Variants in KIAA0319L observed in about 807,000 individuals in gnomAD.
KIAA0319L encodes dyslexia-associated protein KIAA0319-like protein.
Under a neutral mutation model 120.1 loss-of-function variants are expected in KIAA0319L, and 55 were observed. That is an observed-to-expected ratio of 0.46 (90% CI 0.37 to 0.57). The LOEUF (loss-of-function observed/expected upper bound fraction) is 0.57. Among genes scored for constraint, KIAA0319L ranks in the 20% least tolerant of loss-of-function variants. KIAA0319L has a pLI of 0.00. For synonymous variants in KIAA0319L, 398 were observed against 471.9 expected, an observed-to-expected ratio of 0.84 and a Z score of 2.03; for missense variants, 1,049 against 1,255.3, an observed-to-expected ratio of 0.84 and a Z score of 2.48.
At chr1:35,484,883 C>T (rs1347648659) in intron 3 of KIAA0319L, among the ~76,000 whole-genome samples, 1 of 145,088 alleles carries the variant, frequency 6.9e-6, no homozygotes, top group Non-Finnish European at 1.5e-5. Context: ...TATACATGTG[C>T]CATGCTGGTG....
At chr1:35,524,543 T>C (rs1323123938) in intron 2 of KIAA0319L, among the ~76,000 whole-genome samples, 3 of 152,188 alleles carry the variant, frequency 2.0e-5, no homozygotes, top group African/African-American at 4.8e-5. Flanking sequence ...CTCTCCCTAC[T>C]TGACTGTACC....
rs76729284 is a variant in KIAA0319L at position 35,541,137 on chromosome 1, T to C, written c.142+13213A>G. Among the ~76,000 whole-genome samples the C allele has an allele frequency of 7.1e-3, 1,074 of 152,064 alleles. 9 individuals carry two copies. Among genetic ancestry groups the C allele is most frequent in the African/African-American group, 0.024 (995 of 41,468 alleles). On this transcript the variant is annotated intron_variant, in intron 2 of 20. Coordinates refer to ENST00000325722, the MANE Select transcript of KIAA0319L (RefSeq NM_024874.5). ...TTTATTATTTTTTTGTTACAGGGTC[T>C]CACTATGTTGTCCAGACTGGTCTCA...
intron 5 of KIAA0319L, among the ~76,000 whole-genome samples, chr1:35,472,112 T>C (rs1221894132): frequency 1.3e-5 from 2 of 152,224 alleles, no homozygotes; most frequent in African/African-American, 4.8e-5. Flanking sequence ...CAGATAATTT[T>C]ATAATAGCTA....
chr1:35,544,255 G>A (rs1646901566), intron 2 of KIAA0319L, among the ~76,000 whole-genome samples: 2 of 151,840 alleles, frequency 1.3e-5, no homozygotes, highest in South Asian at 4.2e-4. Flanking sequence ...TATAGTCCCA[G>A]CTACTCGGGA....
chr1:35,539,557 G>A lies in KIAA0319L; in HGVS notation c.142+14793C>T, dbSNP rs1048549021. ...GATGAAGTAGAATGCACAGGTAGAA[G>A]ACAGCTTGGCACTGCTTCAGCATAT... On this transcript the variant is annotated intron_variant, in intron 2 of 20. Transcript: ENST00000325722. Among the ~76,000 whole-genome samples the A allele has an allele frequency of 2.0e-5, 3 of 152,228 alleles. No individual in the cohort carries two copies. The East Asian group carries it at 5.8e-4, about 29-fold the overall frequency.
intron 2 of KIAA0319L, among the ~76,000 whole-genome samples, chr1:35,527,440 C>T (rs1259466744): frequency 6.6e-6 from 1 of 152,086 alleles, no homozygotes; most frequent in Admixed American, 6.6e-5. Flanking sequence ...AGAGTTTCTG[C>T]GTCTTCTATT....
intron 2 of KIAA0319L, among the ~76,000 whole-genome samples, chr1:35,536,048 G>A (rs1452798884): frequency 6.6e-6 from 1 of 152,152 alleles, no homozygotes; most frequent in Non-Finnish European, 1.5e-5. Context: ...ATAGTCATTT[G>A]AATCAGATCC....
chr1:35,545,148 A>G (rs1402837766), intron 2 of KIAA0319L, among the ~76,000 whole-genome samples: 1 of 152,142 alleles, frequency 6.6e-6, no homozygotes, highest in Non-Finnish European at 1.5e-5. Context: ...AGACCACATG[A>G]TGTTTATTAA....
At chr1:35,532,333 T>C (rs1446668010) in intron 2 of KIAA0319L, among the ~76,000 whole-genome samples, 1 of 152,122 alleles carries the variant, frequency 6.6e-6, no homozygotes, top group African/African-American at 2.4e-5. Flanking sequence ...AATTAAATGT[T>C]ATTTAATGTT....
chr1:35,470,761 C>G (rs1456501926), intron 6 of KIAA0319L, 102 bp downstream of exon 6: 1 of 747,210 alleles, frequency 1.3e-6, no homozygotes, highest in Non-Finnish European at 2.4e-6. Flanking sequence ...TTCTAAAAGA[C>G]TGTTTACAAC....
chr1:35,521,430 C>A (rs1289176122), intron 2 of KIAA0319L, among the ~76,000 whole-genome samples: 1 of 151,634 alleles, frequency 6.6e-6, no homozygotes, highest in African/African-American at 2.4e-5. Flanking sequence ...GTCAGGAGAT[C>A]TAAACCATCC....
intron 2 of KIAA0319L, among the ~76,000 whole-genome samples, chr1:35,525,441 G>A (rs2148453906): frequency 6.6e-6 from 1 of 152,118 alleles, no homozygotes; most frequent in Non-Finnish European, 1.5e-5. Flanking sequence ...TTACATAATG[G>A]CTGTACTACT....
intron 9 of KIAA0319L, among the ~76,000 whole-genome samples, chr1:35,458,289 C>T (rs1034409603): frequency 6.6e-6 from 1 of 152,126 alleles, no homozygotes; most frequent in Non-Finnish European, 1.5e-5. Flanking sequence ...ACAAAAGCAC[C>T]TTATAGACAG....
rs746605759 is a variant in KIAA0319L at position 35,454,423 on chromosome 1, G to A, written c.1719C>T (p.Leu573=). 6 of 1,614,116 alleles carry A rather than the reference G, an allele frequency of 3.7e-6. No individual in the cohort carries two copies. The highest frequency in any genetic ancestry group is 4.2e-6 in the Non-Finnish European group (5 of 1,179,950). The part of the protein sequence containing the change: ...AMQEGDYTYQ[L]TVTDTIGQQA... ...GCTGTCCTATTGTGTCAGTCACTGT[G>A]AGCTGGTAAGTGTAGTCTCCTTCTT... The change falls in exon 11 of 21, where the codon CTC becomes CTT. Residue 573 remains leucine, a synonymous_variant. Transcript: ENST00000325722.
intron 7 of KIAA0319L, among the ~76,000 whole-genome samples, chr1:35,464,421 T>G (rs1164593226): frequency 6.6e-6 from 1 of 152,234 alleles, no homozygotes. Flanking sequence ...CCTAGAGATC[T>G]GCAGAACTTT....
At chr1:35,530,150 T>G (rs1235727087) in intron 2 of KIAA0319L, among the ~76,000 whole-genome samples, 1 of 151,986 alleles carries the variant, frequency 6.6e-6, no homozygotes, top group Non-Finnish European at 1.5e-5. Flanking sequence ...ATCCTCCCAC[T>G]TCAGCCTCCT....
chr1:35,514,244 A>C (rs550967065), intron 2 of KIAA0319L, among the ~76,000 whole-genome samples: 1 of 152,298 alleles, frequency 6.6e-6, no homozygotes, highest in East Asian at 1.9e-4. Flanking sequence ...AAGTGCACAC[A>C]TAGTCGGGCT....
intron 15 of KIAA0319L, among the ~76,000 whole-genome samples, 157 bp downstream of exon 15, chr1:35,449,710 G>A (rs141113839): frequency 0.011 from 1,650 of 152,234 alleles, 16 homozygotes; most frequent in Non-Finnish European, 0.013. Context: ...TGGAACAGAC[G>A]GTCTCTATGG....
rs1398754716 is a variant in KIAA0319L at position 35,437,916 on chromosome 1, A to G, written c.2963-2835T>C. Among the ~76,000 whole-genome samples, 1 of 152,000 alleles carries G rather than the reference A, an allele frequency of 6.6e-6. No homozygotes were observed. Among genetic ancestry groups the G allele is most frequent in the Non-Finnish European group, 1.5e-5 (1 of 67,980 alleles). On this transcript the variant is annotated intron_variant, in intron 20 of 20. Transcript: ENST00000325722. The surrounding 1 kb of genome is among the most constrained non-coding windows in gnomAD (Gnocchi z 4.1). ...AGGTTCTGATTCTGTCAACAGCACT[A>G]TCATTCTCCATCTCTCGGTTGGAAG...
Sources: gnomAD v4.1 joint callset for allele counts (sites outside exome capture counted in the v4.1 genomes callset) on GRCh38, gnomAD v4.1.1 for gene constraint, Gnocchi (gnomAD v3.1) non-coding constraint, MANE v1.5 for transcripts, NCBI Gene and HGNC (gene_info 2026-07-23, HGNC 2026-07-21) for gene names.